Variants in SGMS1 observed in about 807,000 individuals in gnomAD.
SGMS1 encodes the protein phosphatidylcholine:ceramide cholinephosphotransferase 1.
A neutral mutation model predicts 46.2 loss-of-function variants in SGMS1; 13 were observed. That is an observed-to-expected ratio of 0.28 (90% CI 0.18 to 0.45). The LOEUF (loss-of-function observed/expected upper bound fraction) is 0.45, where lower values mean the gene tolerates loss of function less well. Ranked by LOEUF, SGMS1 falls within the 20% of genes least tolerant of loss-of-function variation. SGMS1 has a pLI of 1.00. For synonymous variants in SGMS1, 203 were observed against 187.8 expected (o/e 1.08, Z -0.66); for missense variants, 324 against 519.9 (o/e 0.62, Z 3.66).
chr10:50,341,230 G>C (rs1374597365), intron 7 of SGMS1: 1 of 428,120 alleles, frequency 2.3e-6, no homozygotes, highest in African/African-American at 2.0e-5. Context: ...CTCTATGAGA[G>C]CCAGGAAAAG....
At chr10:50,615,177 G>A (rs1332748132) in intron 1 of SGMS1, among the ~76,000 whole-genome samples, 4 of 152,142 alleles carry the variant, frequency 2.6e-5, no homozygotes, top group African/African-American at 9.7e-5. Flanking sequence ...TCTGCAACCT[G>A]AGCGCCCACT....
At chr10:50,448,412 T>C (rs186334308) in intron 5 of SGMS1, among the ~76,000 whole-genome samples, 11 of 152,250 alleles carry the variant, frequency 7.2e-5, no homozygotes, top group African/African-American at 2.6e-4. Context: ...TGGAAAACTC[T>C]ATTGCACACT....
chr10:50,551,632 CTG>C (rs1258402859), intron 2 of SGMS1, among the ~76,000 whole-genome samples: 1 of 152,102 alleles, frequency 6.6e-6, no homozygotes, highest in Admixed American at 6.6e-5. Flanking sequence ...TATGAGAACT[CTG>C]TACTATCTTT....
At chr10:50,375,245 T>C (rs546274940) in intron 6 of SGMS1, among the ~76,000 whole-genome samples, 39 of 152,300 alleles carry the variant, frequency 2.6e-4, no homozygotes, top group Non-Finnish European at 5.3e-4. Context: ...AAGGTAGAGA[T>C]TTCTGGGCTA....
chr10:50,436,443 G>A (rs1849475009), intron 5 of SGMS1, among the ~76,000 whole-genome samples: 1 of 152,102 alleles, frequency 6.6e-6, no homozygotes, highest in South Asian at 2.1e-4. Context: ...GTGGGGAAGG[G>A]GTTATAAGGT....
intron 2 of SGMS1, among the ~76,000 whole-genome samples, chr10:50,573,428 T>C (rs1330843647): frequency 1.3e-5 from 2 of 152,172 alleles, no homozygotes; most frequent in African/African-American, 2.4e-5. Flanking sequence ...TAAGAACAAC[T>C]CATTTACAGT....
chr10:50,526,201 G>A (rs964406893), intron 2 of SGMS1, among the ~76,000 whole-genome samples: 2 of 152,148 alleles, frequency 1.3e-5, no homozygotes, highest in Admixed American at 1.3e-4. Flanking sequence ...AAGCATGACT[G>A]GAAGGCCTCA....
intron 3 of SGMS1, among the ~76,000 whole-genome samples, chr10:50,495,071 T>TAC (rs869195679): frequency 2.2e-5 from 1 of 44,814 alleles, no homozygotes; most frequent in African/African-American, 6.4e-5. Context: ...ATACAAAAAA[T>TAC]ACAAAAAAAA....
At chr10:50,411,326 G>A (rs149682369) in intron 6 of SGMS1, among the ~76,000 whole-genome samples, 23 of 152,282 alleles carry the variant, frequency 1.5e-4, no homozygotes, top group African/African-American at 4.8e-4. Flanking sequence ...ACTTAAATCT[G>A]TTTGTTCCTT....
chr10:50,356,967 A>G lies in SGMS1; in HGVS notation c.-231-12622T>C, dbSNP rs748348764. ...AGCATTAGGAGATATACCTAATGCT[A>G]AATGACGAGTTAATGGGTGCAGCAT... On this transcript the variant is annotated intron_variant, in intron 6 of 10. Coordinates refer to ENST00000361781, the MANE Select transcript of SGMS1 (RefSeq NM_147156.4). Among the ~76,000 whole-genome samples, 3 of 152,254 alleles carry G rather than the reference A, an allele frequency of 2.0e-5. No homozygotes were observed. In the South Asian group the frequency reaches 6.2e-4, roughly 32 times the overall value.
At chr10:50,386,483 A>C (rs920875432) in intron 6 of SGMS1, among the ~76,000 whole-genome samples, 1 of 152,142 alleles carries the variant, frequency 6.6e-6, no homozygotes, top group African/African-American at 2.4e-5. Context: ...CCACACCTTA[A>C]AGACTAGGAA....
chr10:50,537,754 A>G (rs991359983), intron 2 of SGMS1, among the ~76,000 whole-genome samples: 16 of 152,136 alleles, frequency 1.1e-4, no homozygotes, highest in African/African-American at 3.9e-4. Flanking sequence ...GTAGCTGCTT[A>G]GGATTATTCC....
chr10:50,376,249 T>C (rs982176128), intron 6 of SGMS1, among the ~76,000 whole-genome samples: 1 of 152,116 alleles, frequency 6.6e-6, no homozygotes, highest in Non-Finnish European at 1.5e-5. Context: ...CAAACAGAAA[T>C]ACAGGATTTT....
intron 6 of SGMS1, among the ~76,000 whole-genome samples, chr10:50,372,070 CT>C (rs1267421274): frequency 6.6e-6 from 1 of 152,164 alleles, no homozygotes; most frequent in Non-Finnish European, 1.5e-5. Context: ...GTCTTTCTGC[CT>C]TACCAGAATC....
intron 6 of SGMS1, among the ~76,000 whole-genome samples, chr10:50,412,921 C>A (rs753593841): frequency 6.6e-6 from 1 of 152,148 alleles, no homozygotes; most frequent in Non-Finnish European, 1.5e-5. Flanking sequence ...CCCTACAAGG[C>A]CAAAGTGATA....
chr10:50,356,516 C>A (rs1361684797), intron 6 of SGMS1, among the ~76,000 whole-genome samples: 1 of 151,844 alleles, frequency 6.6e-6, no homozygotes, highest in Non-Finnish European at 1.5e-5. Flanking sequence ...TGTCCTATGA[C>A]CCTGCCAAAT....
intron 1 of SGMS1, among the ~76,000 whole-genome samples, chr10:50,596,559 T>C (rs1838596343): frequency 6.6e-6 from 1 of 152,242 alleles, no homozygotes; most frequent in Non-Finnish European, 1.5e-5. Flanking sequence ...GATCAACCCT[T>C]TATGATATCA....
At chr10:50,461,956 T>C (rs1837270842) in intron 4 of SGMS1, among the ~76,000 whole-genome samples, 1 of 152,046 alleles carries the variant, frequency 6.6e-6, no homozygotes. Context: ...GAAACAGCAA[T>C]AAAATAAAAC....
intron 3 of SGMS1, among the ~76,000 whole-genome samples, chr10:50,511,996 T>C (rs1028106912): frequency 6.6e-6 from 1 of 152,176 alleles, no homozygotes; most frequent in East Asian, 1.9e-4. Context: ...ACACAGTAGA[T>C]GTCAATAAAC....
Sources: allele counts gnomAD v4.1 joint callset (sites outside exome capture counted in the v4.1 genomes callset), GRCh38; gene constraint gnomAD v4.1.1; transcripts MANE v1.5; gene names NCBI Gene and HGNC (gene_info 2026-07-23, HGNC 2026-07-21).